PCDHGA9: variants seen among roughly 807,000 people sequenced by gnomAD.
PCDHGA9 encodes the protein protocadherin gamma subfamily A, 9.
Under a neutral mutation model 62.5 loss-of-function variants are expected in PCDHGA9, and 37 were observed. That is an observed-to-expected ratio of 0.59 (90% CI 0.46 to 0.78). The LOEUF (loss-of-function observed/expected upper bound fraction) is 0.78. Ranked by LOEUF, PCDHGA9 falls within the 30% of genes least tolerant of loss-of-function variation. PCDHGA9 has a pLI of 0.00. For synonymous variants in PCDHGA9, 459 were observed against 484.6 expected (o/e 0.95, Z 0.69); for missense variants, 1,138 against 1,166.2 (o/e 0.98, Z 0.35).
chr5:141,478,599 T>A, intron 1 of PCDHGA9: 1 of 1,565,814 alleles, frequency 6.4e-7, no homozygotes, highest in Non-Finnish European at 8.7e-7. Flanking sequence ...TATTCCTACA[T>A]CATATTGAGG....
intron 1 of PCDHGA9, among the ~76,000 whole-genome samples, chr5:141,464,264 AAAAAAAAAAAAAAGC>A (rs974197911): frequency 4.0e-4 from 52 of 130,598 alleles, no homozygotes; most frequent in Non-Finnish European, 6.3e-4. Context: ...GACTCCGTCT[AAAAAAAAAAAAAAGC>A]AAAAAAAAAA....
intron 1 of PCDHGA9, chr5:141,427,949 C>T (rs2097092193): frequency 1.3e-6 from 2 of 1,586,882 alleles, no homozygotes; most frequent in South Asian, 1.1e-5. Context: ...ACCTCAATGA[C>T]AATGTGCCGC....
At chr5:141,495,240 C>T (rs2099759761) in intron 2 of PCDHGA9, among the ~76,000 whole-genome samples, 1 of 152,182 alleles carries the variant, frequency 6.6e-6, no homozygotes, top group South Asian at 2.1e-4. Context: ...TCCATTATGA[C>T]CTGGGGCTCA....
At chr5:141,433,128 C>T (rs773994964) in intron 1 of PCDHGA9, 3 of 1,614,158 alleles carry the variant, frequency 1.9e-6, no homozygotes, top group Non-Finnish European at 1.7e-6. Flanking sequence ...AAAAGCGAGC[C>T]CCTTTTGCTG....
intron 2 of PCDHGA9, among the ~76,000 whole-genome samples, chr5:141,498,949 AAGAG>A (rs1417276243): frequency 1.3e-4 from 18 of 133,552 alleles, no homozygotes; most frequent in African/African-American, 1.9e-4. Context: ...AAGAAAGAAA[AAGAG>A]AGAGAGGGAG....
Position 141,486,998 on chromosome 5 carries a change from C to T in PCDHGA9, c.2425-7809C>T. 1.2e-6 allele frequency: 2 copies of T among 1,614,206 alleles called. No individual in the cohort carries two copies. Among genetic ancestry groups the T allele is most frequent in the Non-Finnish European group, 1.7e-6 (2 of 1,180,034 alleles). On this transcript the variant is annotated intron_variant, in intron 1 of 3. Transcript: ENST00000573521. The surrounding 1 kb of genome is among the most constrained non-coding windows in gnomAD (Gnocchi z 5.0). The stretch of plus-strand genomic sequence containing the variant: ...AGGTTACAATGCTTGGGTTTCCTAT[C>T]AGCTCCTGGAGGCCCCAGATCCCAG...
At chr5:141,437,188 G>T (rs1303844523) in intron 1 of PCDHGA9, among the ~76,000 whole-genome samples, 1 of 152,146 alleles carries the variant, frequency 6.6e-6, no homozygotes, top group Non-Finnish European at 1.5e-5. Context: ...CTGGGCAATG[G>T]GTTTGGATGT....
intron 1 of PCDHGA9, chr5:141,408,637 T>C (rs766685548): frequency 4.3e-6 from 7 of 1,614,044 alleles, no homozygotes; most frequent in Non-Finnish European, 5.9e-6. Context: ...TTTTCGAATC[T>C]GCATCCGCTG....
At chr5:141,438,610 A>G (rs2098013566) in intron 1 of PCDHGA9, among the ~76,000 whole-genome samples, 1 of 30,060 alleles carries the variant, frequency 3.3e-5, no homozygotes, top group African/African-American at 2.4e-4. Flanking sequence ...ATATATATAT[A>G]TATATATATA....
chr5:141,415,247 C>G, intron 1 of PCDHGA9: 1 of 1,614,210 alleles, frequency 6.2e-7, no homozygotes. Context: ...TCTGAAACCT[C>G]AGACCTCACT....
Position 141,477,029 on chromosome 5 carries a change from A to T in PCDHGA9, c.2425-17778A>T, listed in dbSNP as rs754045855. ...CTTAGACCTTGTAACCGGGATGCTG[A>T]CAATCAAGGGTCGGCTGGACTTCGA... On this transcript the variant is annotated intron_variant, in intron 1 of 3. Transcript: ENST00000573521. This position sits in a 1 kb window ranked among gnomAD's most constrained non-coding sequence, Gnocchi z 4.9. 2 of 1,614,238 alleles carry T rather than the reference A, an allele frequency of 1.2e-6. No homozygotes were observed. The highest frequency in any genetic ancestry group is 3.3e-5 in the Admixed American group (2 of 60,028).
chr5:141,426,596 C>T (rs1408090148), intron 1 of PCDHGA9: 9 of 377,102 alleles, frequency 2.4e-5, no homozygotes, highest in Middle Eastern at 3.9e-4. Context: ...GTGTCATACC[C>T]TTAGAGATTG....
chr5:141,505,679 G>A (rs1350871637), intron 3 of PCDHGA9, among the ~76,000 whole-genome samples, 198 bp downstream of exon 3: 24 of 152,172 alleles, frequency 1.6e-4, no homozygotes, highest in Non-Finnish European at 3.5e-4. Flanking sequence ...TGGGGGTCCT[G>A]GGATGCCTGG....
intron 1 of PCDHGA9, among the ~76,000 whole-genome samples, chr5:141,466,080 C>A (rs1186062704): frequency 6.6e-6 from 1 of 152,108 alleles, no homozygotes; most frequent in East Asian, 1.9e-4. Flanking sequence ...TGATATCATG[C>A]CACTGCACTC....
chr5:141,418,111 A>G (rs763834283), intron 1 of PCDHGA9: 19 of 1,613,940 alleles, frequency 1.2e-5, no homozygotes, highest in Non-Finnish European at 1.5e-5. Context: ...GCGGGGACTT[A>G]CTTGTGAAGG....
At chr5:141,473,270 T>C (rs538574742) in intron 1 of PCDHGA9, among the ~76,000 whole-genome samples, 4 of 152,326 alleles carry the variant, frequency 2.6e-5, no homozygotes, top group African/African-American at 9.6e-5. Context: ...GTGTATGCTA[T>C]GATTATTTTA....
intron 1 of PCDHGA9, among the ~76,000 whole-genome samples, chr5:141,458,719 G>A (rs891521416): frequency 5.9e-5 from 9 of 151,684 alleles, no homozygotes; most frequent in Non-Finnish European, 1.2e-4. Context: ...ACAGGTATTC[G>A]CCACCACATC....
At chr5:141,421,520 A>G (rs749034718) in intron 1 of PCDHGA9, 2 of 1,614,068 alleles carry the variant, frequency 1.2e-6, no homozygotes, top group Non-Finnish European at 8.5e-7. Flanking sequence ...GAGCTCTGTG[A>G]GACGGTGTCC....
In PCDHGA9 at chr5:141,432,167, T is replaced by G. The variant is rs559707772; in HGVS notation, c.2424+26791T>G. The G allele has an allele frequency of 1.4e-5, 22 of 1,613,962 alleles. No homozygotes were observed. The highest frequency in any genetic ancestry group is 9.3e-5 in the African/African-American group (7 of 74,972). On this transcript the variant is annotated intron_variant, in intron 1 of 3. Coordinates refer to ENST00000573521, the MANE Select transcript of PCDHGA9 (RefSeq NM_018921.3). The surrounding 1 kb of genome is among the most constrained non-coding windows in gnomAD (Gnocchi z 6.0). Reference sequence around the variant, plus strand: ...CCCAGAGAACAATCCCAGAGGAGTTTCCCTCGTCTCTGTGACCGCCCACGA... The same window carrying G: ...CCCAGAGAACAATCCCAGAGGAGTTGCCCTCGTCTCTGTGACCGCCCACGA...
Sources: allele counts gnomAD v4.1 joint callset (sites outside exome capture counted in the v4.1 genomes callset), GRCh38; gene constraint gnomAD v4.1.1; non-coding constraint Gnocchi (gnomAD v3.1); transcripts MANE v1.5; gene names NCBI Gene and HGNC (gene_info 2026-07-23, HGNC 2026-07-21).